Variants in MTHFD1L observed in about 807,000 individuals in gnomAD.
The protein encoded by MTHFD1L is methylenetetrahydrofolate dehydrogenase (NADP+ dependent) 1 like, also known as monofunctional C1-tetrahydrofolate synthase, mitochondrial.
Under a neutral mutation model 119.5 loss-of-function variants are expected in MTHFD1L, and 81 were observed. The ratio of observed to expected loss-of-function variants is 0.68; its 90% CI spans 0.57 to 0.82. The LOEUF (loss-of-function observed/expected upper bound fraction) is 0.82, where lower values mean the gene tolerates loss of function less well. Ranked by LOEUF, MTHFD1L falls within the 40% of genes least tolerant of loss-of-function variation. MTHFD1L has a pLI of 0.00. For missense variants in MTHFD1L, 1,125 were observed against 1,253.4 expected (o/e 0.90, Z 1.55); for synonymous variants, 430 against 475.2 (o/e 0.90, Z 1.24).
chr6:150,906,426 C>T (rs111933124), intron 8 of MTHFD1L, among the ~76,000 whole-genome samples: 12 of 152,314 alleles, frequency 7.9e-5, no homozygotes, highest in African/African-American at 2.2e-4. Flanking sequence ...CAGCAGGAGC[C>T]GGCCCAGAGT....
chr6:151,075,629 C>T (rs1000119846), intron 26 of MTHFD1L, among the ~76,000 whole-genome samples: 6 of 152,188 alleles, frequency 3.9e-5, no homozygotes, highest in African/African-American at 1.4e-4. Context: ...TACAATTCAG[C>T]TTGACTCCAC....
chr6:150,940,794 G>A (rs979677758), intron 13 of MTHFD1L, among the ~76,000 whole-genome samples: 9 of 152,098 alleles, frequency 5.9e-5, no homozygotes, highest in South Asian at 2.1e-4. Context: ...TGGTCAGGCC[G>A]GTCTTGAACT....
At chr6:150,873,965 CT>C (rs1350552228) in intron 1 of MTHFD1L, among the ~76,000 whole-genome samples, 1 of 152,192 alleles carries the variant, frequency 6.6e-6, no homozygotes, top group African/African-American at 2.4e-5. Context: ...GCCACTGCAC[CT>C]GGCCTGGAAC....
At chr6:150,894,239 A>G (rs547845806) in intron 7 of MTHFD1L, among the ~76,000 whole-genome samples, 1 of 152,182 alleles carries the variant, frequency 6.6e-6, no homozygotes, top group East Asian at 1.9e-4. Flanking sequence ...AGAGAAATAT[A>G]TGGGTCAATT....
rs562302008 is a variant in MTHFD1L at position 150,880,881 on chromosome 6, G to T, written c.418-1881G>T. On this transcript the variant is annotated intron_variant, in intron 4 of 27. Transcript: ENST00000367321. ...TTTGTCATATACCTGCAGGCCATTT[G>T]TATGTCCTTTGGGAGATGTCTGTTC... Among the ~76,000 whole-genome samples, 145 of 152,232 alleles carry T rather than the reference G, an allele frequency of 9.5e-4. 1 individual carries two copies. Among genetic ancestry groups the T allele is most frequent in the African/African-American group, 3.3e-3 (139 of 41,548 alleles).
chr6:150,984,918 A>G (rs1778050909), intron 20 of MTHFD1L: 1 of 152,210 alleles, frequency 6.6e-6, no homozygotes, highest in South Asian at 2.1e-4. Flanking sequence ...GTAGCCACGC[A>G]TATTAGGTTT....
intron 15 of MTHFD1L, among the ~76,000 whole-genome samples, chr6:150,946,850 C>T (rs953550130): frequency 2.6e-5 from 4 of 151,774 alleles, no homozygotes; most frequent in African/African-American, 9.7e-5. Context: ...CCGAGGCAGG[C>T]AGATCCTGAG....
chr6:150,915,701 A>G (rs892832668), intron 8 of MTHFD1L, among the ~76,000 whole-genome samples: 1 of 152,126 alleles, frequency 6.6e-6, no homozygotes, highest in Non-Finnish European at 1.5e-5. Context: ...CCCGAGGTCA[A>G]GCAATTCGCT....
intron 16 of MTHFD1L, among the ~76,000 whole-genome samples, chr6:150,953,502 G>A (rs1795145324): frequency 6.6e-6 from 1 of 152,206 alleles, no homozygotes; most frequent in South Asian, 2.1e-4. Context: ...TACTCCAGGA[G>A]TGAATAAGTG....
chr6:150,994,499 C>CAA (rs140866), intron 20 of MTHFD1L, among the ~76,000 whole-genome samples: 54,822 of 151,788 alleles, frequency 0.36, 11,486 homozygotes, highest in East Asian at 0.56. Flanking sequence ...GAGTTAATCC[C>CAA]GTCATCTGTG....
rs1418573534 is a variant in MTHFD1L, at chr6:151,013,782, A to G, written c.2269A>G (p.Thr757Ala). The part of the protein sequence containing the change: ...LKMHGGGPSV[T>A]AGVPLKKEYT... ...ATGTTTTCTCTCCTTATTTCAGGTA[A>G]CGGCTGGTGTTCCTCTTAAGAAAGA... The change falls in exon 22 of 28, where the codon ACG becomes GCG. Residue 757 changes from threonine to alanine, a missense_variant. Thr to Ala is a moderately conservative substitution (Grantham distance 58, BLOSUM62 0). Coordinates refer to ENST00000367321, the MANE Select transcript of MTHFD1L (RefSeq NM_015440.5). The G allele has an allele frequency of 6.2e-7, 1 of 1,612,088 alleles. No homozygotes were observed. The highest frequency in any genetic ancestry group is 1.3e-5 in the African/African-American group (1 of 74,868).
At chr6:151,068,854 T>C (rs1791611286) in intron 26 of MTHFD1L, among the ~76,000 whole-genome samples, 1 of 152,180 alleles carries the variant, frequency 6.6e-6, no homozygotes, top group Non-Finnish European at 1.5e-5. Flanking sequence ...GACTCATCAA[T>C]ATCCCTAAAA....
intron 9 of MTHFD1L, among the ~76,000 whole-genome samples, chr6:150,921,408 A>G (rs1225746257): frequency 6.6e-6 from 1 of 151,842 alleles, no homozygotes; most frequent in African/African-American, 2.4e-5. Context: ...GAGCCACTGC[A>G]CCTGGCCTAA....
chr6:151,010,830 TA>T lies in MTHFD1L; in HGVS notation c.2265+874del, dbSNP rs1782106786. On this transcript the variant is annotated intron_variant, in intron 21 of 27. Coordinates refer to ENST00000367321, the MANE Select transcript of MTHFD1L (RefSeq NM_015440.5). Reference sequence around the variant, plus strand: ...AGACGAACTGCCAAATCTGATTTCTTAATTGGTATACTGTACTGTGTATGTG... The same window carrying T: ...AGACGAACTGCCAAATCTGATTTCTTATTGGTATACTGTACTGTGTATGTG... Among the ~76,000 whole-genome samples, 6 of 152,376 alleles carry T rather than the reference TA, an allele frequency of 3.9e-5. No individual in the cohort carries two copies. The South Asian group carries it at 1.2e-3, about 32-fold the overall frequency.
intron 20 of MTHFD1L, among the ~76,000 whole-genome samples, chr6:150,994,085 G>GAAAAAAAA (rs60762904): frequency 1.0e-5 from 1 of 97,854 alleles, no homozygotes; most frequent in African/African-American, 6.7e-5. Flanking sequence ...AAAAAAGAAA[G>GAAAAAAAA]AAAGAAAGAA....
intron 16 of MTHFD1L, among the ~76,000 whole-genome samples, chr6:150,951,927 A>G (rs1794933846): frequency 6.6e-6 from 1 of 152,144 alleles, no homozygotes; most frequent in Non-Finnish European, 1.5e-5. Flanking sequence ...TAAAAGAGAA[A>G]GTTTTATGCC....
rs191057434 is a variant in MTHFD1L, at chr6:150,886,689, A to G, written c.643+955A>G. 2.6e-3 allele frequency among the ~76,000 whole-genome samples: 395 copies of G among 152,176 alleles called. 2 individuals carry two copies. The highest frequency in any genetic ancestry group is 9.0e-3 in the African/African-American group (373 of 41,528). On this transcript the variant is annotated intron_variant, in intron 6 of 27. Coordinates refer to ENST00000367321, the MANE Select transcript of MTHFD1L (RefSeq NM_015440.5). ...ATATATTTAAGGGCTTTCTGAGAAC[A>G]TAAAGATTCAACTAATTGGGCCGGC...
rs186979029 is a variant in MTHFD1L, at chr6:150,961,744, A to G, written c.1944+1329A>G. Among the ~76,000 whole-genome samples the G allele has an allele frequency of 1.8e-3, 207 of 115,030 alleles. 4 individuals are homozygous for G. The highest frequency in any genetic ancestry group is 0.013 in the Admixed American group (172 of 12,856). The allele number at this position is 115,030 out of a possible 152,430, so 75.5% of individuals were successfully genotyped here. ...TCAAGTAAATTCAATAGATCAACGT[A>G]TGTCGCAGCCTATGGAATACTTAGT... On this transcript the variant is annotated intron_variant, in intron 18 of 27. Coordinates refer to ENST00000367321, the MANE Select transcript of MTHFD1L (RefSeq NM_015440.5).
intron 1 of MTHFD1L, among the ~76,000 whole-genome samples, chr6:150,866,923 C>T (rs1778461235): frequency 6.6e-6 from 1 of 152,220 alleles, no homozygotes; most frequent in Admixed American, 6.5e-5. Context: ...CCTTCCGCCT[C>T]CCTCGGAACT....
Sources: gnomAD v4.1 joint callset for allele counts (sites outside exome capture counted in the v4.1 genomes callset) on GRCh38, gnomAD v4.1.1 for gene constraint, MANE v1.5 for transcripts, NCBI Gene and HGNC (gene_info 2026-07-23, HGNC 2026-07-21) for gene names.